ENKUR: variants seen among roughly 807,000 people sequenced by gnomAD.
The protein encoded by ENKUR is enkurin, TRPC channel interacting protein.
A neutral mutation model predicts 27.6 loss-of-function variants in ENKUR; 19 were observed. The ratio of observed to expected loss-of-function variants is 0.69; its 90% confidence interval spans 0.48 to 1.01. The LOEUF is 1.01. Ranked by LOEUF, ENKUR falls within the 50% of genes least tolerant of loss-of-function variation. ENKUR has a pLI of 0.00. For missense variants in ENKUR, 312 were observed against 310.5 expected, an observed-to-expected ratio of 1.00 and a Z score of -0.04; for synonymous variants, 117 against 96.9, an observed-to-expected ratio of 1.21 and a Z score of -1.22.
At chr10:25,024,486 T>G in intron 2 of ENKUR, 1 of 1,614,184 alleles carries the variant, frequency 6.2e-7, no homozygotes, top group African/African-American at 1.3e-5. Context: ...CACAAATAAT[T>G]GGCAGTCAGA....
At chr10:25,014,648 G>A (rs909339504) in intron 1 of ENKUR, among the ~76,000 whole-genome samples, 3 of 152,180 alleles carry the variant, frequency 2.0e-5, no homozygotes, top group African/African-American at 7.2e-5. Context: ...TTATAGAGGA[G>A]TTTTATCTCA....
intron 5 of ENKUR, 65 bp downstream of exon 5, chr10:24,984,671 T>C: frequency 6.8e-6 from 10 of 1,461,616 alleles, no homozygotes; most frequent in Non-Finnish European, 8.3e-6. Context: ...ACTTGGAGTT[T>C]TTTATATTTT....
rs1223158281 is a variant in ENKUR, at chr10:25,057,286, A to G, written c.37+3826T>C. Among the ~76,000 whole-genome samples, 4 of 152,016 alleles carry G rather than the reference A, an allele frequency of 2.6e-5. No individual in the cohort carries two copies. The East Asian group carries it at 7.7e-4, about 29-fold the overall frequency. ...GAATGGGAGTGAAGTAATGAGATAGAAGAAATAAAAAAACAGTGATGCCTT... is the reference window on the plus strand; with the variant it reads ...GAATGGGAGTGAAGTAATGAGATAGGAGAAATAAAAAAACAGTGATGCCTT... On this transcript the variant is annotated intron_variant, in intron 2 of 5. Transcript: ENST00000615958.
intron 2 of ENKUR, among the ~76,000 whole-genome samples, chr10:24,996,947 T>C (rs893448806): frequency 1.3e-5 from 2 of 152,206 alleles, no homozygotes; most frequent in Admixed American, 6.5e-5. Context: ...CCAATATGAC[T>C]GGTGTCCTTA....
At chr10:25,016,204 C>A (rs949959585), upstream of ENKUR, 1 of 1,167,318 alleles carries the variant, frequency 8.6e-7, no homozygotes, top group Non-Finnish European at 1.1e-6. Flanking sequence ...AAGTGGCAGG[C>A]AGCACCGCAA....
Position 24,995,855 on chromosome 10 carries a change from G to A in ENKUR, c.238C>T (p.Arg80Trp), listed in dbSNP as rs775521379. 20 of 1,602,728 alleles carry A rather than the reference G, an allele frequency of 1.2e-5. No homozygotes were observed. The East Asian group carries it at 2.0e-4, about 16-fold the overall frequency. The stretch of plus-strand genomic sequence containing the variant: ...ACAGCAGGCTTTTTGGGCACGTTCC[G>A]ATCAAAGTTTTTTTCTGTTAAATAT... ...KTLPPKKNFD[R>W]NVPKKPAVPL... Residue 80 changes from arginine to tryptophan, a missense_variant, in exon 3 of 6, where the codon CGG becomes TGG. By Grantham distance (101) the Arg-to-Trp change is moderately radical. Coordinates refer to ENST00000331161, the MANE Select transcript of ENKUR (RefSeq NM_145010.4).
chr10:25,021,574 CAG>C (rs1035430977), intron 2 of ENKUR, among the ~76,000 whole-genome samples: 2 of 152,048 alleles, frequency 1.3e-5, no homozygotes, highest in African/African-American at 2.4e-5. Flanking sequence ...TGTTTAAAAA[CAG>C]TATTTTAATC....
intron 4 of ENKUR, among the ~76,000 whole-genome samples, chr10:24,988,270 A>ATATATGTGTATATATATT (rs1849825891): frequency 6.9e-6 from 1 of 145,526 alleles, no homozygotes; most frequent in Non-Finnish European, 1.5e-5. Context: ...ATATATTTAT[A>ATATATGTGTATATATATT]TATATGTGTA....
chr10:24,989,074 G>C (rs1564334881), intron 4 of ENKUR, among the ~76,000 whole-genome samples: 1 of 152,054 alleles, frequency 6.6e-6, no homozygotes, highest in Non-Finnish European at 1.5e-5. Context: ...CAGAAGGGAA[G>C]GACCTGTCAC....
intron 2 of ENKUR, chr10:25,024,285 T>C (rs1352745152): frequency 6.2e-7 from 1 of 1,614,214 alleles, no homozygotes; most frequent in Non-Finnish European, 8.5e-7. Flanking sequence ...AAGATTTGTC[T>C]TTACAGCTTA....
At chr10:25,053,746 C>G (rs1045911064) in intron 2 of ENKUR, among the ~76,000 whole-genome samples, 2 of 152,096 alleles carry the variant, frequency 1.3e-5, no homozygotes, top group African/African-American at 4.8e-5. Flanking sequence ...CTGTAAATAA[C>G]CCTGCAATGA....
intron 4 of ENKUR, among the ~76,000 whole-genome samples, chr10:24,987,680 C>T (rs1440493885): frequency 6.6e-6 from 1 of 152,146 alleles, no homozygotes; most frequent in Non-Finnish European, 1.5e-5. Flanking sequence ...CTGAAGTAGC[C>T]TCCCTTTGTT....
chr10:25,039,098 T>C (rs764571458), intron 2 of ENKUR, among the ~76,000 whole-genome samples: 4 of 152,232 alleles, frequency 2.6e-5, no homozygotes, highest in Non-Finnish European at 5.9e-5. Flanking sequence ...AAATATACCT[T>C]TGTAAAATGA....
chr10:24,981,989 G>A lies in ENKUR; in HGVS notation c.*2381C>T, dbSNP rs1849678035. 6.6e-6 allele frequency: 1 copy of A among 151,994 alleles called. No individual in the cohort carries two copies. Among genetic ancestry groups the A allele is most frequent in the Non-Finnish European group, 1.5e-5 (1 of 68,014 alleles). The allele number at this position is 151,994 out of a possible 1,614,324, so 9.4% of individuals were successfully genotyped here. A position where few individuals can be genotyped will look rare whatever the true frequency, so the allele number is the denominator to read the frequency against. On this transcript the variant is annotated 3_prime_UTR_variant, in exon 6 of 6. Transcript: ENST00000331161. ...AAGAGATCATTAAAATACATGTTTG[G>A]GTACGATCCATTACTTTATTCATTA...
At chr10:25,052,049 A>G (rs113820885) in intron 2 of ENKUR, among the ~76,000 whole-genome samples, 60 of 152,348 alleles carry the variant, frequency 3.9e-4, no homozygotes, top group African/African-American at 1.4e-3. Flanking sequence ...TTAAGCACCA[A>G]AGAATAGAGC....
At chr10:25,012,244 T>A (rs1368328248) in intron 1 of ENKUR, among the ~76,000 whole-genome samples, 1 of 152,234 alleles carries the variant, frequency 6.6e-6, no homozygotes, top group Admixed American at 6.5e-5. Flanking sequence ...AGAGCCCTCA[T>A]GGAGAACCTC....
At chr10:25,053,390 AC>A (rs1186662426) in intron 2 of ENKUR, among the ~76,000 whole-genome samples, 1 of 152,162 alleles carries the variant, frequency 6.6e-6, no homozygotes, top group East Asian at 1.9e-4. Flanking sequence ...ATCTCAAAAA[AC>A]GTATTCCTCC....
chr10:25,023,802 T>C (rs1369199329), intron 2 of ENKUR: 3 of 1,614,100 alleles, frequency 1.9e-6, no homozygotes, highest in African/African-American at 1.3e-5. Context: ...GACAGTATTA[T>C]AAGAAGTGGT....
rs891082188 is a variant in ENKUR, at chr10:25,050,936, T to C, written c.37+10176A>G. On this transcript the variant is annotated intron_variant, in intron 2 of 5. Transcript: ENST00000615958. ...TTAAAATTAACATGGGTCACCTTTGTGCTGATGAAATGTGGTATAAAAAAT... is the reference window on the plus strand; with the variant it reads ...TTAAAATTAACATGGGTCACCTTTGCGCTGATGAAATGTGGTATAAAAAAT... Among the ~76,000 whole-genome samples the C allele has an allele frequency of 5.3e-5, 8 of 152,338 alleles. No individual in the cohort carries two copies. In the South Asian group the frequency reaches 1.5e-3, roughly 28 times the overall value.
Sources: gnomAD v4.1 joint callset for allele counts (sites outside exome capture counted in the v4.1 genomes callset) on GRCh38, gnomAD v4.1.1 for gene constraint, MANE v1.5 for transcripts, NCBI Gene and HGNC (gene_info 2026-07-23, HGNC 2026-07-21) for gene names.